The following PTPRD variants were observed in gnomAD, a reference collection of about 807,000 sequenced individuals.
PTPRD encodes receptor-type tyrosine-protein phosphatase delta.
Under a neutral mutation model 214.5 loss-of-function variants are expected in PTPRD, and 34 were observed. That is an observed-to-expected ratio of 0.16 (90% CI 0.12 to 0.21). The LOEUF is 0.21. Among genes scored for constraint, PTPRD ranks in the 10% least tolerant of loss-of-function variants. PTPRD has a pLI of 1.00. For synonymous variants in PTPRD, 1,128 were observed against 845.7 expected (o/e 1.33, Z -5.79); for missense variants, 2,545 against 2,398.7 (o/e 1.06, Z -1.27).
chr9:9,227,377 C>T (rs980959913), intron 9 of PTPRD, among the ~76,000 whole-genome samples: 1 of 152,134 alleles, frequency 6.6e-6, no homozygotes, highest in African/African-American at 2.4e-5. Context: ...ACCTCAGCCC[C>T]TAGCCTGGAG....
chr9:9,321,399 T>C (rs1221923602), intron 9 of PTPRD, among the ~76,000 whole-genome samples: 1 of 151,806 alleles, frequency 6.6e-6, no homozygotes, highest in Non-Finnish European at 1.5e-5. Flanking sequence ...CTACCAGAAA[T>C]GCAAAATCAG....
chr9:9,750,037 GA>G (rs1353301794), intron 6 of PTPRD, among the ~76,000 whole-genome samples: 7 of 152,044 alleles, frequency 4.6e-5, no homozygotes, highest in Admixed American at 4.6e-4. Flanking sequence ...TATTTTAATT[GA>G]AAACAACTAC....
intron 3 of PTPRD, among the ~76,000 whole-genome samples, chr9:10,327,542 T>C (rs2096666809): frequency 6.6e-6 from 1 of 151,640 alleles, no homozygotes; most frequent in Admixed American, 6.6e-5. Context: ...CTATATTATA[T>C]CATTGGGTTT....
chr9:8,426,102 CAGAT>C (rs926003409), intron 35 of PTPRD, among the ~76,000 whole-genome samples: 2 of 152,138 alleles, frequency 1.3e-5, no homozygotes, highest in African/African-American at 2.4e-5. Context: ...AAGTGACTGA[CAGAT>C]AGGTCATGCA....
At chr9:8,519,103 T>C (rs2097843120) in intron 20 of PTPRD, among the ~76,000 whole-genome samples, 1 of 152,284 alleles carries the variant, frequency 6.6e-6, no homozygotes, top group South Asian at 2.1e-4. Flanking sequence ...AATTTTAAGG[T>C]GCAAAAGAAT....
chr9:9,223,137 G>C (rs982431310), intron 9 of PTPRD, among the ~76,000 whole-genome samples: 1 of 151,958 alleles, frequency 6.6e-6, no homozygotes, highest in African/African-American at 2.4e-5. Context: ...TAGATCCCCA[G>C]CTTGTTTATA....
At position 10,400,664 on chromosome 9, in the gene PTPRD, T is replaced by G. The variant is rs763327069; in HGVS notation, c.-599-59647A>C. The stretch of plus-strand genomic sequence containing the variant: ...GTAAAAAATTCCTTGAACTAAAATG[T>G]CAACTGAATTTCTAAAAAAAATAAT... On this transcript the variant is annotated intron_variant, in intron 2 of 45. Coordinates refer to ENST00000381196, the MANE Select transcript of PTPRD (RefSeq NM_002839.4). Among the ~76,000 whole-genome samples, 465 of 151,742 alleles carry G rather than the reference T, an allele frequency of 3.1e-3. 8 individuals are homozygous for G. Among genetic ancestry groups the G allele is most frequent in the Non-Finnish European group, 1.9e-3 (130 of 67,746 alleles).
intron 12 of PTPRD, among the ~76,000 whole-genome samples, chr9:8,662,942 A>T (rs2097094116): frequency 6.6e-6 from 1 of 152,190 alleles, no homozygotes; most frequent in South Asian, 2.1e-4. Flanking sequence ...GTCAGTAGAG[A>T]CACACCAGGG....
chr9:10,126,146 A>C (rs965334142), intron 3 of PTPRD, among the ~76,000 whole-genome samples: 5 of 152,184 alleles, frequency 3.3e-5, no homozygotes, highest in Non-Finnish European at 7.4e-5. Flanking sequence ...TTCAAGAATT[A>C]GATTGTGAAA....
chr9:9,608,593 A>C lies in PTPRD; in HGVS notation c.-286-33812T>G, dbSNP rs750115256. On this transcript the variant is annotated intron_variant, in intron 7 of 45. Transcript: ENST00000381196. Reference sequence around the variant, plus strand: ...AGTGAATAGAAGGTAGACATGTAGAAGAACAAAATGTCATCCTTGAGGTTG... The same window carrying C: ...AGTGAATAGAAGGTAGACATGTAGACGAACAAAATGTCATCCTTGAGGTTG... Among the ~76,000 whole-genome samples, 96 of 152,334 alleles carry C rather than the reference A, an allele frequency of 6.3e-4. No homozygotes were observed. In the Middle Eastern group the frequency reaches 0.01, roughly 16 times the overall value.
At chr9:8,899,813 T>C (rs2098651911) in intron 11 of PTPRD, among the ~76,000 whole-genome samples, 1 of 152,182 alleles carries the variant, frequency 6.6e-6, no homozygotes, top group South Asian at 2.1e-4. Flanking sequence ...AGTCGGCATG[T>C]TGCCTTTGAG....
chr9:9,259,798 C>A (rs1404460904), intron 9 of PTPRD, among the ~76,000 whole-genome samples: 1 of 151,906 alleles, frequency 6.6e-6, no homozygotes, highest in Non-Finnish European at 1.5e-5. Flanking sequence ...AACTCGCACA[C>A]ATGGTCTTCT....
At chr9:8,499,601 T>C in intron 25 of PTPRD, 46 bp downstream of exon 25, 1 of 1,563,918 alleles carries the variant, frequency 6.4e-7, no homozygotes, top group Non-Finnish European at 8.6e-7. Context: ...TGAACTAAGA[T>C]AAACTTATTA....
rs376750559 is a variant in PTPRD, at chr9:8,915,749, A to C, written c.-104+102948T>G. Among the ~76,000 whole-genome samples the C allele has an allele frequency of 4.4e-4, 67 of 152,282 alleles. 1 individual carries two copies. The East Asian group carries it at 7.3e-3, about 17-fold the overall frequency. ...ATCAGGCAGGAAAAAATTTCCTCTT[A>C]GTTGAGAAAGGGTCTACTTAGGCTT... is the stretch of plus-strand genomic sequence containing the variant. On this transcript the variant is annotated intron_variant, in intron 11 of 45. Transcript: ENST00000381196.
chr9:10,007,444 C>T (rs139775289), intron 4 of PTPRD, among the ~76,000 whole-genome samples: 23 of 152,020 alleles, frequency 1.5e-4, no homozygotes, highest in African/African-American at 4.6e-4. Context: ...AGTGAGAATA[C>T]GATACGAAGA....
intron 9 of PTPRD, among the ~76,000 whole-genome samples, chr9:9,301,430 G>T (rs1294036176): frequency 6.6e-6 from 1 of 151,856 alleles, no homozygotes; most frequent in African/African-American, 2.4e-5. Flanking sequence ...TGGTGGCACA[G>T]AACTAGACTG....
chr9:8,582,333 C>T (rs1680586013), intron 14 of PTPRD, among the ~76,000 whole-genome samples: 1 of 152,114 alleles, frequency 6.6e-6, no homozygotes, highest in African/African-American at 2.4e-5. Context: ...ATATTTATTA[C>T]CTTGAGTCAG....
chr9:9,327,831 C>T (rs780834923), intron 9 of PTPRD, among the ~76,000 whole-genome samples: 1 of 151,582 alleles, frequency 6.6e-6, no homozygotes, highest in African/African-American at 2.4e-5. Context: ...TTTGGCTTCC[C>T]TGGGCCACGT....
intron 9 of PTPRD, among the ~76,000 whole-genome samples, chr9:9,391,069 T>C (rs377213955): frequency 3.2e-4 from 48 of 152,328 alleles, no homozygotes; most frequent in African/African-American, 1.1e-3. Flanking sequence ...AGTGCACTAA[T>C]TGACTTTTAA....
Sources: gnomAD v4.1 joint callset for allele counts (sites outside exome capture counted in the v4.1 genomes callset) on GRCh38, gnomAD v4.1.1 for gene constraint, MANE v1.5 for transcripts, NCBI Gene and HGNC (gene_info 2026-07-23, HGNC 2026-07-21) for gene names.